TXNRD3: variants seen among roughly 807,000 people sequenced by gnomAD.
TXNRD3 encodes the protein TXNRD3 neighbor gene protein.
TXNRD3 carries 68 observed loss-of-function variants against 78.2 expected under a neutral mutation model. That is an observed-to-expected ratio of 0.87 (90% CI 0.72 to 1.06). The LOEUF (loss-of-function observed/expected upper bound fraction) is 1.06, where lower values mean the gene tolerates loss of function less well. Among genes scored for constraint, TXNRD3 ranks in the 50% least tolerant of loss-of-function variants. The pLI, the probability that TXNRD3 is intolerant of heterozygous loss-of-function variation, is 0.00. For missense variants in TXNRD3, 751 were observed against 809.5 expected, an observed-to-expected ratio of 0.93 and a Z score of 0.88; for synonymous variants, 296 against 300.1, an observed-to-expected ratio of 0.99 and a Z score of 0.14.
At chr3:126,651,010 G>A (rs1163296627) in intron 1 of TXNRD3, among the ~76,000 whole-genome samples, 4 of 152,114 alleles carry the variant, frequency 2.6e-5, no homozygotes, top group Non-Finnish European at 5.9e-5. Flanking sequence ...TCATTTCTGT[G>A]TCTCTGCAAC....
chr3:126,632,079 G>C (rs1406685811), intron 7 of TXNRD3, among the ~76,000 whole-genome samples, 200 bp from the exon 8 acceptor site: 1 of 152,228 alleles, frequency 6.6e-6, no homozygotes, highest in Non-Finnish European at 1.5e-5. Context: ...CATGGTGAGG[G>C]TAGGGTAGTG....
chr3:126,622,153 C>T (rs952553782), intron 11 of TXNRD3, among the ~76,000 whole-genome samples: 1 of 152,182 alleles, frequency 6.6e-6, no homozygotes, highest in Non-Finnish European at 1.5e-5. Context: ...CACAGACTCA[C>T]TTAGAGCTTT....
At position 126,631,870 on chromosome 3, in the gene TXNRD3, TA is replaced by T; in HGVS notation, c.864del (p.Asn288LysfsTer16). 6.5e-7 allele frequency: 1 copy of T among 1,535,858 alleles called. No homozygotes were observed. Among genetic ancestry groups the T allele is most frequent in the African/African-American group, 1.4e-5 (1 of 73,134 alleles). On this transcript the variant is annotated frameshift_variant, in exon 8 of 16. Transcript: ENST00000524230. LOFTEE classifies it high-confidence loss of function. ...GTATAATAAGTCTCCTGTCCTTTTT[TA>T]TTGGTTGCCTTGAAAAAAGAGAAGT...
At chr3:126,627,792 A>G (rs1938614076) in intron 10 of TXNRD3, among the ~76,000 whole-genome samples, 1 of 152,202 alleles carries the variant, frequency 6.6e-6, no homozygotes, top group African/African-American at 2.4e-5. Flanking sequence ...TGAAACATAC[A>G]AGGAACCAAT....
intron 9 of TXNRD3, among the ~76,000 whole-genome samples, chr3:126,630,068 G>C (rs1414357913): frequency 6.6e-6 from 1 of 152,260 alleles, no homozygotes; most frequent in East Asian, 1.9e-4. Flanking sequence ...GAGTCTGTAG[G>C]TTGAGTAGCT....
At position 126,611,150 on chromosome 3, in the gene TXNRD3, GA is replaced by G; in HGVS notation, c.1633-19del. The G allele has an allele frequency of 2.1e-6, 3 of 1,452,690 alleles. No homozygotes were observed. Among genetic ancestry groups the G allele is most frequent in the African/African-American group, 1.4e-5 (1 of 70,482 alleles). The allele number at this position is 1,452,690 out of a possible 1,614,324, so 90.0% of individuals were successfully genotyped here. On this transcript the variant is annotated intron_variant, in intron 13 of 15. Coordinates refer to ENST00000524230, the MANE Select transcript of TXNRD3 (RefSeq NM_052883.3). The stretch of plus-strand genomic sequence containing the variant: ...TGATATATCTGGAAGATAAAAGAGA[GA>G]AAAAGGGCAGAATTAATGTATATGG...
At chr3:126,627,767 C>A (rs1040364249) in intron 10 of TXNRD3, among the ~76,000 whole-genome samples, 1 of 152,130 alleles carries the variant, frequency 6.6e-6, no homozygotes, top group South Asian at 2.1e-4. Context: ...TAGACAGTTG[C>A]ATCAGTAAAT....
At position 126,622,549 on chromosome 3, in the gene TXNRD3, G is replaced by C; in HGVS notation, c.1291-9C>G. ...CCAATAGCTAACAAAACCTGCATTTGCAGAGAAATCAAAAACACAAATTAT... is the reference window on the plus strand; with the variant it reads ...CCAATAGCTAACAAAACCTGCATTTCCAGAGAAATCAAAAACACAAATTAT... On this transcript the variant is annotated splice_polypyrimidine_tract_variant and intron_variant, in intron 10 of 15. Coordinates refer to ENST00000524230, the MANE Select transcript of TXNRD3 (RefSeq NM_052883.3). 1 of 1,530,728 alleles carries C rather than the reference G, an allele frequency of 6.5e-7. No homozygotes were observed. The highest frequency in any genetic ancestry group is 8.7e-7 in the Non-Finnish European group (1 of 1,144,868). The allele number at this position is 1,530,728 out of a possible 1,614,324, so 94.8% of individuals were successfully genotyped here.
At position 126,654,813 on chromosome 3, in the gene TXNRD3, C is replaced by G. The variant is rs2107632897; in HGVS notation, c.178G>C (p.Val60Leu). 1.4e-6 allele frequency: 2 copies of G among 1,423,142 alleles called. No individual in the cohort carries two copies. The highest frequency in any genetic ancestry group is 9.2e-7 in the Non-Finnish European group (1 of 1,089,478). The allele number at this position is 1,423,142 out of a possible 1,614,324, so 88.2% of individuals were successfully genotyped here. ...ACCCGGCTGCGCTCGATGAGGCCCACGAGGTGGCGGCGCAGCTCCTCGCGG... is the reference window on the plus strand; with the variant it reads ...ACCCGGCTGCGCTCGATGAGGCCCAGGAGGTGGCGGCGCAGCTCCTCGCGG... The change falls in exon 1 of 16, where the codon GTG becomes CTG. Residue 60 changes from valine to leucine, a missense_variant. Coordinates refer to ENST00000524230, the MANE Select transcript of TXNRD3 (RefSeq NM_052883.3).
intron 12 of TXNRD3, among the ~76,000 whole-genome samples, chr3:126,619,617 A>C (rs549574432): frequency 7.2e-5 from 11 of 152,318 alleles, no homozygotes; most frequent in Middle Eastern, 3.4e-3. Context: ...TTACAGCTAA[A>C]CAGGAGGAGT....
chr3:126,617,017 T>C (rs1441912868), intron 12 of TXNRD3, among the ~76,000 whole-genome samples: 1 of 152,220 alleles, frequency 6.6e-6, no homozygotes, highest in Non-Finnish European at 1.5e-5. Flanking sequence ...ATTTATTGAC[T>C]GGCAGCTGAC....
Position 126,643,986 on chromosome 3 carries a change from G to C in TXNRD3, c.587C>G (p.Ser196Cys), listed in dbSNP as rs1294768505. 1.3e-5 allele frequency: 20 copies of C among 1,535,738 alleles called. No homozygotes were observed. The highest frequency in any genetic ancestry group is 1.1e-5 in the Non-Finnish European group (13 of 1,146,782). The change falls in exon 5 of 16, where the codon TCC becomes TGC. Residue 196 changes from serine (S) to cysteine (C), a missense_variant. Coordinates refer to ENST00000524230, the MANE Select transcript of TXNRD3 (RefSeq NM_052883.3). Reference sequence around the variant, plus strand: ...AACAGAGAAAAACAACTTACCCCAGGATGTGCCCTGAGGTGACGGGACAAC... The same window carrying C: ...AACAGAGAAAAACAACTTACCCCAGCATGTGCCCTGAGGTGACGGGACAAC...
intron 6 of TXNRD3, among the ~76,000 whole-genome samples, chr3:126,639,114 C>A (rs1028503676): frequency 1.3e-5 from 2 of 152,184 alleles, no homozygotes; most frequent in Admixed American, 6.5e-5. Context: ...GGGCTTCTCC[C>A]CTCTTGGACT....
chr3:126,621,630 T>C (rs1576284293), intron 12 of TXNRD3, 112 bp downstream of exon 12: 1 of 1,043,566 alleles, frequency 9.6e-7, no homozygotes, highest in Non-Finnish European at 1.3e-6. Flanking sequence ...CTGCAAATTA[T>C]ATCTCTGAGG....
At chr3:126,608,096 C>T in intron 15 of TXNRD3, 123 bp from the exon 16 acceptor site, 6 of 734,256 alleles carry the variant, frequency 8.2e-6, no homozygotes, top group Non-Finnish European at 1.2e-5. Flanking sequence ...CATGGTGGCT[C>T]ATGCCTGTAA....
At chr3:126,629,572 G>A (rs1472797643) in intron 9 of TXNRD3, 101 bp from the exon 10 acceptor site, 2 of 881,236 alleles carry the variant, frequency 2.3e-6, no homozygotes, top group East Asian at 2.8e-5. Context: ...TGTGTGTTTG[G>A]TGGTGGTACA....
chr3:126,652,602 C>T (rs912273063), intron 1 of TXNRD3, among the ~76,000 whole-genome samples: 5 of 152,200 alleles, frequency 3.3e-5, no homozygotes, highest in South Asian at 2.1e-4. Flanking sequence ...CCAGGTACTC[C>T]GGTTTCCTCC....
intron 12 of TXNRD3, among the ~76,000 whole-genome samples, chr3:126,620,390 T>C (rs1938423750): frequency 2.0e-5 from 3 of 151,780 alleles, no homozygotes; most frequent in Non-Finnish European, 4.4e-5. Context: ...TTCTCAGATA[T>C]GGCAACAGAA....
In TXNRD3 at chr3:126,634,588, T is replaced by C. The variant is rs978793005; in HGVS notation, c.713-537A>G. ...ACTGCCAACCTTCAATATTACAGTGTTTACCCATTCCTTTGGAAGGTGGGG... is the reference window on the plus strand; with the variant it reads ...ACTGCCAACCTTCAATATTACAGTGCTTACCCATTCCTTTGGAAGGTGGGG... On this transcript the variant is annotated intron_variant, in intron 6 of 15. Coordinates refer to ENST00000524230, the MANE Select transcript of TXNRD3 (RefSeq NM_052883.3). Among the ~76,000 whole-genome samples the C allele has an allele frequency of 7.9e-5, 12 of 152,172 alleles. 1 individual carries two copies. The highest frequency in any genetic ancestry group is 1.8e-4 in the Non-Finnish European group (12 of 68,024).
Sources: allele counts gnomAD v4.1 joint callset (sites outside exome capture counted in the v4.1 genomes callset), GRCh38; gene constraint gnomAD v4.1.1; transcripts MANE v1.5; gene names NCBI Gene and HGNC (gene_info 2026-07-23, HGNC 2026-07-21).